Variants in BMP6 observed in about 807,000 individuals in gnomAD.
The protein encoded by BMP6 is VG-1-R.
In BMP6, 17 loss-of-function variants were observed where a neutral mutation model predicts 54.1. The ratio of observed to expected loss-of-function variants is 0.31; its 90% CI spans 0.22 to 0.47. The LOEUF (loss-of-function observed/expected upper bound fraction) is 0.47. Ranked by LOEUF, BMP6 falls within the 20% of genes least tolerant of loss-of-function variation. The pLI is 1.00. For missense variants in BMP6, 720 were observed against 690.4 expected (o/e 1.04, Z -0.48); for synonymous variants, 328 against 291.2 (o/e 1.13, Z -1.28).
intron 2 of BMP6, among the ~76,000 whole-genome samples, chr6:7,851,649 T>C (rs1048117946): frequency 6.6e-6 from 1 of 152,176 alleles, no homozygotes; most frequent in Non-Finnish European, 1.5e-5. Context: ...GATTTTTAAA[T>C]CTCAGGTAAA....
At chr6:7,729,196 T>C (rs910241379) in intron 1 of BMP6, among the ~76,000 whole-genome samples, 6 of 152,232 alleles carry the variant, frequency 3.9e-5, no homozygotes, top group African/African-American at 1.4e-4. Context: ...GTCAATAAAA[T>C]TTGTAGTGGG....
chr6:7,744,746 A>T (rs931294002), intron 1 of BMP6, among the ~76,000 whole-genome samples: 4 of 152,086 alleles, frequency 2.6e-5, no homozygotes, highest in African/African-American at 7.2e-5. Context: ...AGAATTTAGG[A>T]CCATAACTCT....
At chr6:7,836,200 AT>A (rs34027007) in intron 1 of BMP6, among the ~76,000 whole-genome samples, 32 of 148,940 alleles carry the variant, frequency 2.1e-4, no homozygotes, top group East Asian at 1.6e-3. Flanking sequence ...TTTTAACATG[AT>A]TTTTTTTTTA....
chr6:7,863,078 A>G (rs1759362423), intron 4 of BMP6, among the ~76,000 whole-genome samples: 1 of 152,092 alleles, frequency 6.6e-6, no homozygotes, highest in Non-Finnish European at 1.5e-5. Flanking sequence ...GGCTCACTGC[A>G]AGCTCCGCCT....
At position 7,757,054 on chromosome 6, in the gene BMP6, A is replaced by G. The variant is rs1757525346; in HGVS notation, c.664+29435A>G. 2.0e-5 allele frequency among the ~76,000 whole-genome samples: 3 copies of G among 152,176 alleles called. No individual in the cohort carries two copies. In the South Asian group the frequency reaches 6.2e-4, roughly 32 times the overall value. ...TCTTTTCCAGTATTTAGCCCTGAAAATTTAGATGCCTTGGCCTTCCCAAAC... is the reference window on the plus strand; with the variant it reads ...TCTTTTCCAGTATTTAGCCCTGAAAGTTTAGATGCCTTGGCCTTCCCAAAC... On this transcript the variant is annotated intron_variant, in intron 1 of 6. Coordinates refer to ENST00000283147, the MANE Select transcript of BMP6 (RefSeq NM_001718.6).
At chr6:7,876,466 A>T (rs934795737) in intron 4 of BMP6, among the ~76,000 whole-genome samples, 8 of 152,148 alleles carry the variant, frequency 5.3e-5, no homozygotes, top group Non-Finnish European at 7.3e-5. Context: ...CGAAATTCCT[A>T]TTAGAAATTT....
At chr6:7,791,683 AT>A (rs1758110145) in intron 1 of BMP6, among the ~76,000 whole-genome samples, 1 of 151,988 alleles carries the variant, frequency 6.6e-6, no homozygotes, top group Non-Finnish European at 1.5e-5. Flanking sequence ...AACTTATTTC[AT>A]TGTGACCCCC....
At chr6:7,764,920 G>A (rs1052041612) in intron 1 of BMP6, among the ~76,000 whole-genome samples, 1 of 152,128 alleles carries the variant, frequency 6.6e-6, no homozygotes, top group Non-Finnish European at 1.5e-5. Context: ...GGCAGTTGAT[G>A]GCTTGAGGCT....
intron 1 of BMP6, among the ~76,000 whole-genome samples, chr6:7,804,318 A>G (rs773754324): frequency 9.9e-5 from 15 of 152,032 alleles, no homozygotes; most frequent in Non-Finnish European, 1.8e-4. Context: ...TAAAACTTAC[A>G]TATTTTTAAA....
intron 1 of BMP6, among the ~76,000 whole-genome samples, chr6:7,800,121 T>TGA (rs1758248740): frequency 7.0e-6 from 1 of 142,196 alleles, no homozygotes; most frequent in African/African-American, 2.7e-5. Context: ...TGTGTGTGTG[T>TGA]GATCTAAAAG....
At chr6:7,780,767 A>C (rs1199297603) in intron 1 of BMP6, among the ~76,000 whole-genome samples, 2 of 152,056 alleles carry the variant, frequency 1.3e-5, no homozygotes, top group Non-Finnish European at 2.9e-5. Context: ...ACTGGAGTGC[A>C]GTGGTGCAGT....
At chr6:7,745,181 A>G (rs1259306912) in intron 1 of BMP6, among the ~76,000 whole-genome samples, 3 of 152,258 alleles carry the variant, frequency 2.0e-5, no homozygotes, top group African/African-American at 4.8e-5. Context: ...CAAATAGCCT[A>G]TGAAGGAAAA....
chr6:7,730,837 G>A (rs906279938), intron 1 of BMP6, among the ~76,000 whole-genome samples: 1 of 152,146 alleles, frequency 6.6e-6, no homozygotes, highest in Non-Finnish European at 1.5e-5. Context: ...ACATGACAGC[G>A]CTGCGTTTTA....
intron 1 of BMP6, among the ~76,000 whole-genome samples, chr6:7,746,103 C>T (rs759483705): frequency 3.2e-4 from 49 of 152,132 alleles, no homozygotes; most frequent in Non-Finnish European, 4.0e-4. Context: ...AAGGCATTCC[C>T]GCCGGAGGAA....
chr6:7,824,726 G>T (rs766701557), intron 1 of BMP6, among the ~76,000 whole-genome samples: 3 of 152,192 alleles, frequency 2.0e-5, no homozygotes, highest in Non-Finnish European at 4.4e-5. Flanking sequence ...GTTAGTATTT[G>T]TTGCATTTGG....
In BMP6 at chr6:7,814,737, A is replaced by G. The variant is rs544005850; in HGVS notation, c.665-30403A>G. Among the ~76,000 whole-genome samples, 124 of 152,160 alleles carry G rather than the reference A, an allele frequency of 8.1e-4. 2 individuals are homozygous for G. Among genetic ancestry groups the G allele is most frequent in the Non-Finnish European group, 3.1e-4 (21 of 68,038 alleles). Reference sequence around the variant, plus strand: ...TGATCTTAGTGTCTTGGTCTCCTCAATCAGTAATAACTAATAATTATCTCT... The same window carrying G: ...TGATCTTAGTGTCTTGGTCTCCTCAGTCAGTAATAACTAATAATTATCTCT... On this transcript the variant is annotated intron_variant, in intron 1 of 6. Coordinates refer to ENST00000283147, the MANE Select transcript of BMP6 (RefSeq NM_001718.6).
intron 5 of BMP6, 67 bp downstream of exon 5, chr6:7,879,217 AG>A: frequency 1.4e-6 from 2 of 1,473,926 alleles, no homozygotes; most frequent in Non-Finnish European, 1.9e-6. Flanking sequence ...GAATGGTGGC[AG>A]CCATTACCAA....
At chr6:7,855,313 G>A (rs1246218352) in intron 2 of BMP6, among the ~76,000 whole-genome samples, 3 of 152,176 alleles carry the variant, frequency 2.0e-5, no homozygotes, top group African/African-American at 7.2e-5. Flanking sequence ...GAACCTGTTA[G>A]AAATGCAGAT....
rs748897782 is a variant in BMP6 at position 7,862,407 on chromosome 6, C to T, written c.1113C>T (p.Arg371=). Residue 371 remains arginine (R), a synonymous_variant, in exon 4 of 7, where the codon CGC becomes CGT. Transcript: ENST00000283147. ...AFFKVSEVHV[R]TTRSASSRRR... ...TCAAAGTGAGTGAGGTGCACGTGCG[C>T]ACCACCAGGTCAGCCTCCAGCCGGC... is the stretch of plus-strand genomic sequence containing the variant. 14 of 1,614,090 alleles carry T rather than the reference C, an allele frequency of 8.7e-6. No individual in the cohort carries two copies. Among genetic ancestry groups the T allele is most frequent in the South Asian group, 3.3e-5 (3 of 91,090 alleles).
Sources: allele counts gnomAD v4.1 joint callset (sites outside exome capture counted in the v4.1 genomes callset), GRCh38; gene constraint gnomAD v4.1.1; transcripts MANE v1.5; gene names NCBI Gene and HGNC (gene_info 2026-07-23, HGNC 2026-07-21).